Variants in EIF5B observed in about 807,000 individuals in gnomAD.
EIF5B encodes the protein eukaryotic translation initiation factor 5B.
In EIF5B, 47 loss-of-function variants were observed where a neutral mutation model predicts 147.5. The observed-to-expected ratio is 0.32, with a 90% CI of 0.25 to 0.41. EIF5B has a LOEUF of 0.41. Ranked by LOEUF, EIF5B falls within the 10% of genes least tolerant of loss-of-function variation. The pLI is 1.00. For synonymous variants in EIF5B, 455 were observed against 456.2 expected (o/e 1.00, Z 0.03); for missense variants, 1,064 against 1,413.2 (o/e 0.75, Z 3.96).
rs566599733 is a variant in EIF5B at position 99,400,407 on chromosome 2, T to A, written c.*993T>A. ...ATTCGTAGTAGTAATCTGTAGCTAGTTTTAGGGTTTTGCTGAAGTCAGTGT... is the reference window on the plus strand; with the variant it reads ...ATTCGTAGTAGTAATCTGTAGCTAGATTTAGGGTTTTGCTGAAGTCAGTGT... On this transcript the variant is annotated 3_prime_UTR_variant, in exon 24 of 24. Transcript: ENST00000289371. 15 of 152,338 alleles carry A rather than the reference T, an allele frequency of 9.8e-5. No homozygotes were observed. The South Asian group carries it at 2.5e-3, about 25-fold the overall frequency. 9.4% of individuals were successfully genotyped at this position (152,338 alleles called of 1,614,324 possible).
At chr2:99,368,666 T>C (rs1559251290) in intron 7 of EIF5B, 75 bp downstream of exon 7, 2 of 1,183,616 alleles carry the variant, frequency 1.7e-6, no homozygotes, top group Admixed American at 2.4e-5. Context: ...AAACAGTGTC[T>C]GTAAAGAAGA....
At chr2:99,360,444 T>C in intron 2 of EIF5B, 21 bp from the exon 3 acceptor site, 3 of 1,609,804 alleles carry the variant, frequency 1.9e-6, no homozygotes, top group Non-Finnish European at 2.5e-6. Context: ...TGCTTCACAA[T>C]GTATTTTAAT....
chr2:99,401,073 T>C lies in EIF5B; in HGVS notation c.*1659T>C, dbSNP rs751677832. The C allele has an allele frequency of 6.4e-5, 31 of 483,692 alleles. No individual in the cohort carries two copies. Among genetic ancestry groups the C allele is most frequent in the Non-Finnish European group, 1.1e-4 (29 of 268,864 alleles). 30.0% of individuals were successfully genotyped at this position (483,692 alleles called of 1,614,324 possible). On this transcript the variant is annotated 3_prime_UTR_variant, in exon 24 of 24. Coordinates refer to ENST00000289371, the MANE Select transcript of EIF5B (RefSeq NM_015904.4). The stretch of plus-strand genomic sequence containing the variant: ...AAAATAATTAACACAATTATTTACA[T>C]GCAATACTGACAAATTTGGCACTTT...
At chr2:99,355,614 T>G (rs1360637039) in intron 1 of EIF5B, among the ~76,000 whole-genome samples, 1 of 142,004 alleles carries the variant, frequency 7.0e-6, no homozygotes, top group African/African-American at 2.6e-5. Context: ...TTTTGGGTTT[T>G]TTTTTTTTTT....
Position 99,371,705 on chromosome 2 carries a change from G to C in EIF5B, c.1527G>C (p.Met509Ile), listed in dbSNP as rs760758819. The change falls in exon 9 of 24, where the codon ATG becomes ATC. Residue 509 changes from methionine to isoleucine, a missense_variant. Transcript: ENST00000289371. Reference protein sequence around the residue: ...EDAGLDDWEAMASDEETEKVE... With the variant: ...EDAGLDDWEAIASDEETEKVE... ...CTGGATTGGATGATTGGGAAGCTATGGCCAGTGATGAGGAGACAGAAAAAG... is the reference window on the plus strand; with the variant it reads ...CTGGATTGGATGATTGGGAAGCTATCGCCAGTGATGAGGAGACAGAAAAAG... 1 of 1,613,036 alleles carries C rather than the reference G, an allele frequency of 6.2e-7. No individual in the cohort carries two copies. The highest frequency in any genetic ancestry group is 1.7e-4 in the Middle Eastern group (1 of 6,056).
Position 99,399,832 on chromosome 2 carries a change from CTTT to C in EIF5B, c.*419_*421del, listed in dbSNP as rs1238605402. 6.4e-6 allele frequency: 1 copy of C among 156,440 alleles called. No individual in the cohort carries two copies. Among genetic ancestry groups the C allele is most frequent in the Non-Finnish European group, 1.4e-5 (1 of 70,270 alleles). The allele number at this position is 156,440 out of a possible 1,614,324, so 9.7% of individuals were successfully genotyped here. A position where few individuals can be genotyped will look rare whatever the true frequency, so the allele number is the denominator to read the frequency against. ...GACTTTTTTGACGTAAGAAATACTT[CTTT>C]ATTTATGCATATTCTTCCCACAGTG... On this transcript the variant is annotated 3_prime_UTR_variant, in exon 24 of 24. Transcript: ENST00000289371.
At position 99,337,621 on chromosome 2, in the gene EIF5B, C is replaced by T. The variant is rs540154284; in HGVS notation, c.35+32C>T. 28 of 1,596,188 alleles carry T rather than the reference C, an allele frequency of 1.8e-5. No homozygotes were observed. The East Asian group carries it at 5.0e-4, about 28-fold the overall frequency. On this transcript the variant is annotated intron_variant, in intron 1 of 23. Transcript: ENST00000289371. ...AGGGGTTGGGTCCGTACGGCGGCGG[C>T]CGCCGTGGCTCAGTGGAGTGTGCGG...
At position 99,364,873 on chromosome 2, in the gene EIF5B, A is replaced by G. The variant is rs527795631; in HGVS notation, c.1288+452A>G. Among the ~76,000 whole-genome samples the G allele has an allele frequency of 1.3e-3, 166 of 131,708 alleles. 1 individual carries two copies. Among genetic ancestry groups the G allele is most frequent in the Middle Eastern group, 9.3e-3 (2 of 216 alleles). 86.4% of individuals were successfully genotyped at this position (131,708 alleles called of 152,430 possible). A position where few individuals can be genotyped will look rare whatever the true frequency, so the allele number is the denominator to read the frequency against. On this transcript the variant is annotated intron_variant, in intron 6 of 23. Transcript: ENST00000289371. ...ACATGACCACGGTGAAAAAGTATTCATGACCATTTTTTTTTAACCCTTTCC... is the reference window on the plus strand; with the variant it reads ...ACATGACCACGGTGAAAAAGTATTCGTGACCATTTTTTTTTAACCCTTTCC...
At chr2:99,390,449 G>A in intron 16 of EIF5B, 48 bp downstream of exon 16, 1 of 1,564,814 alleles carries the variant, frequency 6.4e-7, no homozygotes, top group Non-Finnish European at 8.6e-7. Flanking sequence ...TTTAAAAATA[G>A]CAAGTTCCTT....
At chr2:99,382,572 T>C (rs1674712120) in intron 13 of EIF5B, among the ~76,000 whole-genome samples, 1 of 152,182 alleles carries the variant, frequency 6.6e-6, no homozygotes, top group Non-Finnish European at 1.5e-5. Flanking sequence ...ATTAGAAATA[T>C]TAGTTGGTTC....
At chr2:99,393,855 A>T (rs1369817999) in intron 18 of EIF5B, among the ~76,000 whole-genome samples, 1 of 152,214 alleles carries the variant, frequency 6.6e-6, no homozygotes, top group Non-Finnish European at 1.5e-5. Context: ...TGGAGGAAGG[A>T]GCTGCTGAGA....
intron 14 of EIF5B, 71 bp from the exon 15 acceptor site, chr2:99,389,647 T>A: frequency 7.0e-7 from 1 of 1,430,676 alleles, no homozygotes; most frequent in Non-Finnish European, 9.4e-7. Context: ...AGGAATTTTC[T>A]GGAGCTATTA....
chr2:99,361,231 T>C lies in EIF5B; in HGVS notation c.330T>C (p.Asp110=). Residue 110 remains aspartate, a synonymous_variant, in exon 4 of 24, where the codon GAT becomes GAC. Coordinates refer to ENST00000289371, the MANE Select transcript of EIF5B (RefSeq NM_015904.4). ...AGGGCAAAAAACAGAGTTTTGATGATAATGATAGCGAAGAATTGGAAGATA... is the reference window on the plus strand; with the variant it reads ...AGGGCAAAAAACAGAGTTTTGATGACAATGATAGCGAAGAATTGGAAGATA... The part of the protein sequence containing the change: ...GQKGKKQSFD[D]NDSEELEDKD... The C allele has an allele frequency of 6.2e-7, 1 of 1,610,554 alleles. No individual in the cohort carries two copies. The highest frequency in any genetic ancestry group is 8.5e-7 in the Non-Finnish European group (1 of 1,179,230).
intron 17 of EIF5B, among the ~76,000 whole-genome samples, chr2:99,391,849 A>C (rs545484701): frequency 2.0e-5 from 3 of 149,748 alleles, no homozygotes; most frequent in African/African-American, 7.4e-5. Context: ...CTCCCACCTC[A>C]GCCTCCTGAA....
chr2:99,343,853 C>T (rs922075840), intron 1 of EIF5B, among the ~76,000 whole-genome samples: 2 of 151,502 alleles, frequency 1.3e-5, no homozygotes, highest in Non-Finnish European at 2.9e-5. Context: ...TGCCTTATCT[C>T]TTGCATTTTG....
In EIF5B at chr2:99,393,068, T is replaced by G; in HGVS notation, c.2850T>G (p.Ala950=). 3 of 1,565,282 alleles carry G rather than the reference T, an allele frequency of 1.9e-6. No individual in the cohort carries two copies. Among genetic ancestry groups the G allele is most frequent in the Non-Finnish European group, 2.6e-6 (3 of 1,158,602 alleles). ...KTLAGLPLLV[A]YKEDEIPVLK... ...TGGCTGGTTTACCCCTCCTTGTGGC[T>G]TATAAAGAAGATGAAATCCCTGTTC... is the stretch of plus-strand genomic sequence containing the variant. Residue 950 remains alanine, a synonymous_variant, in exon 18 of 24, where the codon GCT becomes GCG. Coordinates refer to ENST00000289371, the MANE Select transcript of EIF5B (RefSeq NM_015904.4).
At chr2:99,363,581 G>A in intron 4 of EIF5B, 64 bp from the exon 5 acceptor site, 2 of 1,494,684 alleles carry the variant, frequency 1.3e-6, no homozygotes, top group South Asian at 2.7e-5. Flanking sequence ...GTTGGGTTTT[G>A]CTCGTCATCA....
chr2:99,353,932 A>G (rs1335942426), intron 1 of EIF5B, among the ~76,000 whole-genome samples: 3 of 152,212 alleles, frequency 2.0e-5, no homozygotes, highest in African/African-American at 4.8e-5. Context: ...CCATTCACCT[A>G]TTAAAGGACA....
intron 14 of EIF5B, among the ~76,000 whole-genome samples, chr2:99,383,886 G>T (rs1430632892): frequency 6.6e-6 from 1 of 152,106 alleles, no homozygotes; most frequent in Non-Finnish European, 1.5e-5. Context: ...GGTCTAATGT[G>T]GTTGGTGACT....
Sources: allele counts gnomAD v4.1 joint callset (sites outside exome capture counted in the v4.1 genomes callset), GRCh38; gene constraint gnomAD v4.1.1; transcripts MANE v1.5; gene names NCBI Gene and HGNC (gene_info 2026-07-23, HGNC 2026-07-21).